Variants in DAB1 observed in about 807,000 individuals in gnomAD.
DAB1 encodes the protein DAB adaptor protein 1.
In DAB1, 15 loss-of-function variants were observed where a neutral mutation model predicts 64.6. The ratio of observed to expected loss-of-function variants is 0.23; its 90% CI spans 0.16 to 0.36. The LOEUF (loss-of-function observed/expected upper bound fraction) is 0.36. DAB1 is among the 10% of genes least tolerant of loss of function. The pLI is 1.00. For missense variants in DAB1, 596 were observed against 706.7 expected (o/e 0.84, Z 1.78); for synonymous variants, 235 against 251.9 (o/e 0.93, Z 0.64).
At chr1:57,113,144 C>CT (rs575067982) in intron 4 of DAB1, among the ~76,000 whole-genome samples, 153 of 152,316 alleles carry the variant, frequency 1.0e-3, no homozygotes, top group African/African-American at 3.4e-3. Flanking sequence ...TAACCCAGCT[C>CT]TGTCACTTAC....
At chr1:58,452,035 C>G (rs937890271) in intron 3 of DAB1, among the ~76,000 whole-genome samples, 1 of 151,376 alleles carries the variant, frequency 6.6e-6, no homozygotes, top group Non-Finnish European at 1.5e-5. Flanking sequence ...TGGGTTCAAG[C>G]GATTCTCTTG....
chr1:57,363,357 C>T (rs1159089236), intron 1 of DAB1, among the ~76,000 whole-genome samples: 1 of 152,162 alleles, frequency 6.6e-6, no homozygotes, highest in Non-Finnish European at 1.5e-5. Context: ...GAGAGAGAGG[C>T]ATGTGAGTGA....
Position 57,011,299 on chromosome 1 carries a change from C to A in DAB1, c.1445-27G>T, listed in dbSNP as rs200097987. Reference sequence around the variant, plus strand: ...TACACAGAGACCACAGAAAAAGAGACATCTTAAGTGCCTGGCTGCCATGAA... The same window carrying A: ...TACACAGAGACCACAGAAAAAGAGAAATCTTAAGTGCCTGGCTGCCATGAA... On this transcript the variant is annotated intron_variant, in intron 12 of 14. Transcript: ENST00000371236. 271 of 1,607,222 alleles carry A rather than the reference C, an allele frequency of 1.7e-4. 1 individual carries two copies. The highest frequency in any genetic ancestry group is 6.7e-4 in the Middle Eastern group (4 of 6,012).
At chr1:57,452,368 T>C (rs911337328) in intron 7 of DAB1, among the ~76,000 whole-genome samples, 3 of 152,058 alleles carry the variant, frequency 2.0e-5, no homozygotes, top group Admixed American at 6.5e-5. Context: ...GCTTACTCTT[T>C]AGGATGAGAA....
At chr1:58,494,143 A>G (rs141345839) in intron 3 of DAB1, among the ~76,000 whole-genome samples, 2 of 152,216 alleles carry the variant, frequency 1.3e-5, no homozygotes, top group Non-Finnish European at 2.9e-5. Flanking sequence ...TCTTTGACAA[A>G]CCTGACAAAA....
chr1:58,018,015 C>G (rs918357286), intron 5 of DAB1, among the ~76,000 whole-genome samples: 2 of 152,136 alleles, frequency 1.3e-5, no homozygotes, highest in South Asian at 4.1e-4. Context: ...AACCACGGTT[C>G]GCCAATTGAC....
intron 6 of DAB1, among the ~76,000 whole-genome samples, chr1:57,756,558 C>T (rs1648816723): frequency 6.6e-6 from 1 of 151,958 alleles, no homozygotes; most frequent in African/African-American, 2.4e-5. Flanking sequence ...TCGGAAATGA[C>T]ATGATCAGAT....
chr1:58,259,962 T>A (rs1317525763), intron 4 of DAB1, among the ~76,000 whole-genome samples: 1 of 152,186 alleles, frequency 6.6e-6, no homozygotes, highest in Non-Finnish European at 1.5e-5. Flanking sequence ...AATAACCCTA[T>A]GAGGCTAAGA....
intron 3 of DAB1, among the ~76,000 whole-genome samples, chr1:57,143,398 C>T (rs896781044): frequency 6.6e-6 from 1 of 152,056 alleles, no homozygotes; most frequent in Non-Finnish European, 1.5e-5. Flanking sequence ...GAGAAGAAAG[C>T]TCATCATTGG....
chr1:57,502,060 C>T (rs915731747), intron 7 of DAB1, among the ~76,000 whole-genome samples: 11 of 152,028 alleles, frequency 7.2e-5, no homozygotes, highest in African/African-American at 1.7e-4. Flanking sequence ...GTGGCTCACG[C>T]CTGAAATCCC....
intron 5 of DAB1, among the ~76,000 whole-genome samples, chr1:58,045,419 A>T (rs1046114447): frequency 6.6e-6 from 1 of 151,880 alleles, no homozygotes; most frequent in Non-Finnish European, 1.5e-5. Context: ...TGTGACCCCA[A>T]CTCCGCGAGC....
intron 6 of DAB1, among the ~76,000 whole-genome samples, chr1:57,695,246 A>G (rs1238701997): frequency 5.0e-5 from 3 of 59,586 alleles, no homozygotes; most frequent in African/African-American, 1.2e-4. Flanking sequence ...AGGAAGAAAG[A>G]AAGAAAGAAA....
chr1:57,965,230 C>A lies in DAB1; in HGVS notation n.388-81068G>T, dbSNP rs1261269198. Among the ~76,000 whole-genome samples, 3 of 152,140 alleles carry A rather than the reference C, an allele frequency of 2.0e-5. No individual in the cohort carries two copies. The East Asian group carries it at 5.8e-4, about 29-fold the overall frequency. On this transcript the variant is annotated intron_variant and non_coding_transcript_variant, in intron 5 of 20. Coordinates refer to the DAB1 transcript ENST00000485760. ...TTCTTTCTATTTTATTTGGTAGGGACTGGAGAGATTTATCTCATAGTTGTT... is the reference window on the plus strand; with the variant it reads ...TTCTTTCTATTTTATTTGGTAGGGAATGGAGAGATTTATCTCATAGTTGTT...
chr1:57,087,119 T>C (rs1479276897), intron 4 of DAB1, among the ~76,000 whole-genome samples: 1 of 152,192 alleles, frequency 6.6e-6, no homozygotes, highest in African/African-American at 2.4e-5. Context: ...TTTCATCCAT[T>C]GTCCTTTCAG....
intron 5 of DAB1, among the ~76,000 whole-genome samples, chr1:58,043,340 T>C (rs930075651): frequency 3.3e-5 from 5 of 152,336 alleles, no homozygotes; most frequent in African/African-American, 1.2e-4. Context: ...TTAGGTACTA[T>C]AAAAAACAAT....
intron 5 of DAB1, among the ~76,000 whole-genome samples, chr1:58,027,060 A>T (rs1646905305): frequency 6.6e-6 from 1 of 152,232 alleles, no homozygotes; most frequent in South Asian, 2.1e-4. Context: ...TTAGATAAAA[A>T]CCACTGCCCT....
intron 3 of DAB1, among the ~76,000 whole-genome samples, chr1:58,472,892 C>A (rs1052095512): frequency 1.2e-4 from 18 of 152,162 alleles, no homozygotes; most frequent in Admixed American, 5.9e-4. Context: ...GGAGCATACA[C>A]CACAAAGCGA....
At chr1:57,447,777 C>T (rs975132587) in intron 7 of DAB1, among the ~76,000 whole-genome samples, 2 of 152,162 alleles carry the variant, frequency 1.3e-5, no homozygotes, top group Admixed American at 6.5e-5. Flanking sequence ...AAGATCCCCT[C>T]ACCCATCAGC....
intron 7 of DAB1, among the ~76,000 whole-genome samples, chr1:57,508,954 A>G (rs947069459): frequency 2.0e-5 from 3 of 151,402 alleles, no homozygotes; most frequent in Non-Finnish European, 4.4e-5. Context: ...TATATGATGT[A>G]CATATATAAA....
Sources: allele counts gnomAD v4.1 joint callset (sites outside exome capture counted in the v4.1 genomes callset), GRCh38; gene constraint gnomAD v4.1.1; transcripts MANE v1.5; gene names NCBI Gene and HGNC (gene_info 2026-07-23, HGNC 2026-07-21).